DPP10: variants seen among roughly 807,000 people sequenced by gnomAD.
DPP10 encodes dipeptidyl peptidase like 10, also known as inactive dipeptidyl peptidase 10.
A neutral mutation model predicts 120.9 loss-of-function variants in DPP10; 33 were observed. The observed-to-expected ratio is 0.27, with a 90% CI of 0.21 to 0.37. The LOEUF (loss-of-function observed/expected upper bound fraction) is 0.37. Ranked by LOEUF, DPP10 falls within the 10% of genes least tolerant of loss-of-function variation. DPP10 has a pLI of 1.00. For missense variants in DPP10, 816 were observed against 942.8 expected (o/e 0.87, Z 1.76); for synonymous variants, 337 against 326.1 (o/e 1.03, Z -0.36).
rs546303151 is a variant in DPP10, at chr2:115,636,150, A to T, written c.442-53537A>T. ...TGTTGACCTCAGTCTAATCGCAAAAAAAAAAAAACAAAAAACAGACAAATC... is the reference window on the plus strand; with the variant it reads ...TGTTGACCTCAGTCTAATCGCAAAATAAAAAAAACAAAAAACAGACAAATC... On this transcript the variant is annotated intron_variant, in intron 5 of 25. Transcript: ENST00000410059. Among the ~76,000 whole-genome samples the T allele has an allele frequency of 2.8e-3, 433 of 151,968 alleles. 1 individual carries two copies. Among genetic ancestry groups the T allele is most frequent in the Admixed American group, 6.8e-3 (104 of 15,264 alleles).
rs1325832660 is a variant in DPP10, at chr2:114,531,503, C to T, written c.60+88665C>T. On this transcript the variant is annotated intron_variant, in intron 1 of 25. Coordinates refer to ENST00000410059, the MANE Select transcript of DPP10 (RefSeq NM_020868.6). ...TGTATATATCTCTCCCTATATATAT[C>T]TATGTATACCATATATATATATTTA... Among the ~76,000 whole-genome samples, 2 of 148,320 alleles carry T rather than the reference C, an allele frequency of 1.3e-5. 1 individual carries two copies. The highest frequency in any genetic ancestry group is 4.3e-4 in the South Asian group (2 of 4,692).
intron 3 of DPP10, among the ~76,000 whole-genome samples, chr2:115,377,964 T>C (rs2065948158): frequency 6.6e-6 from 1 of 151,874 alleles, no homozygotes; most frequent in Admixed American, 6.5e-5. Context: ...AGCCTTGTAG[T>C]ATAGTTTGAA....
intron 1 of DPP10, among the ~76,000 whole-genome samples, chr2:115,019,430 A>G (rs993578396): frequency 6.6e-6 from 1 of 152,184 alleles, no homozygotes; most frequent in Non-Finnish European, 1.5e-5. Context: ...TTCAGAGCTC[A>G]AAGACAAGCC....
chr2:114,604,546 A>T (rs973821159), intron 1 of DPP10, among the ~76,000 whole-genome samples: 1 of 152,056 alleles, frequency 6.6e-6, no homozygotes, highest in African/African-American at 2.4e-5. Flanking sequence ...CCTACTAGAG[A>T]AGCCTCACAT....
chr2:115,351,546 A>C (rs1316777041), intron 3 of DPP10, among the ~76,000 whole-genome samples: 1 of 152,096 alleles, frequency 6.6e-6, no homozygotes, highest in Non-Finnish European at 1.5e-5. Context: ...TTAAAAATCA[A>C]ATAAAAAGTA....
At chr2:115,274,442 A>AT (rs1007535405) in intron 1 of DPP10, among the ~76,000 whole-genome samples, 14 of 151,746 alleles carry the variant, frequency 9.2e-5, no homozygotes, top group Admixed American at 3.9e-4. Context: ...TGGTGTGCCT[A>AT]TTTTTTTTTA....
intron 7 of DPP10, among the ~76,000 whole-genome samples, chr2:115,709,800 CTG>C (rs1225600274): frequency 4.6e-5 from 7 of 151,730 alleles, no homozygotes; most frequent in African/African-American, 1.7e-4. Flanking sequence ...TGTAGGAAAA[CTG>C]CAAATCTCTA....
At chr2:115,403,013 TCAAC>T (rs1346323530) in intron 3 of DPP10, among the ~76,000 whole-genome samples, 2 of 149,764 alleles carry the variant, frequency 1.3e-5, no homozygotes, top group African/African-American at 2.5e-5. Context: ...TTTTAAATCC[TCAAC>T]GAAACTATTA....
At chr2:115,633,643 A>G (rs1325265599) in intron 5 of DPP10, among the ~76,000 whole-genome samples, 2 of 152,148 alleles carry the variant, frequency 1.3e-5, no homozygotes, top group Non-Finnish European at 2.9e-5. Context: ...GTTTCTGCTG[A>G]GAGGTCCACT....
At chr2:115,180,136 G>A (rs1473975992) in intron 1 of DPP10, among the ~76,000 whole-genome samples, 1 of 152,190 alleles carries the variant, frequency 6.6e-6, no homozygotes, top group African/African-American at 2.4e-5. Flanking sequence ...TGAATGGAAA[G>A]TGGTTTTTAG....
chr2:114,688,831 A>G (rs1351639470), intron 1 of DPP10, among the ~76,000 whole-genome samples: 1 of 151,938 alleles, frequency 6.6e-6, no homozygotes, highest in Non-Finnish European at 1.5e-5. Context: ...TACATGAATC[A>G]TTACCATCGT....
At chr2:114,961,033 C>CTTT (rs772146022) in intron 1 of DPP10, among the ~76,000 whole-genome samples, 1 of 52,028 alleles carries the variant, frequency 1.9e-5, no homozygotes, top group African/African-American at 7.5e-5. Context: ...CTCTATACGC[C>CTTT]TTTTTTTTTT....
At chr2:115,497,792 C>T (rs2076480089) in intron 3 of DPP10, among the ~76,000 whole-genome samples, 1 of 151,988 alleles carries the variant, frequency 6.6e-6, no homozygotes, top group African/African-American at 2.4e-5. Flanking sequence ...ATGAGCATTA[C>T]AGATGATTGG....
chr2:115,269,269 A>G (rs2059592200), intron 1 of DPP10, among the ~76,000 whole-genome samples: 1 of 152,244 alleles, frequency 6.6e-6, no homozygotes. Context: ...AGAAGCTACC[A>G]TCTATTGAAT....
chr2:115,684,499 A>G (rs772039116), intron 5 of DPP10, among the ~76,000 whole-genome samples: 1 of 151,906 alleles, frequency 6.6e-6, no homozygotes, highest in Non-Finnish European at 1.5e-5. Flanking sequence ...AATGCTGTTG[A>G]CACAGTAGCT....
At chr2:114,636,903 T>C (rs1354384245) in intron 1 of DPP10, among the ~76,000 whole-genome samples, 1 of 151,850 alleles carries the variant, frequency 6.6e-6, no homozygotes, top group Non-Finnish European at 1.5e-5. Context: ...GTAGAATATG[T>C]AAAGAGGCTC....
At chr2:115,638,059 T>A (rs996314073) in intron 5 of DPP10, among the ~76,000 whole-genome samples, 1 of 152,202 alleles carries the variant, frequency 6.6e-6, no homozygotes. Context: ...AAAGATCACT[T>A]TTCCTCTGAA....
chr2:115,042,030 T>TG (rs397985551), intron 1 of DPP10, among the ~76,000 whole-genome samples: 1 of 145,776 alleles, frequency 6.9e-6, no homozygotes, highest in Non-Finnish European at 1.5e-5. Context: ...TTTTTTTTTT[T>TG]GCAATAAGTA....
intron 1 of DPP10, among the ~76,000 whole-genome samples, chr2:115,308,715 T>TTTTA (rs1491460647): frequency 1.0e-5 from 1 of 98,350 alleles, no homozygotes; most frequent in African/African-American, 3.7e-5. Context: ...TTTTTTTTTT[T>TTTTA]ATGAGTGGTG....
Sources: gnomAD v4.1 joint callset for allele counts (sites outside exome capture counted in the v4.1 genomes callset) on GRCh38, gnomAD v4.1.1 for gene constraint, MANE v1.5 for transcripts, NCBI Gene and HGNC (gene_info 2026-07-23, HGNC 2026-07-21) for gene names.